Variants in SGF29 observed in about 807,000 individuals in gnomAD.
The protein encoded by SGF29 is SAGA-associated factor 29.
A neutral mutation model predicts 38.1 loss-of-function variants in SGF29; 15 were observed. That is an observed-to-expected ratio of 0.39 (90% CI 0.26 to 0.61). The LOEUF (loss-of-function observed/expected upper bound fraction) is 0.61, where lower values mean the gene tolerates loss of function less well. SGF29 is among the 20% of genes least tolerant of loss of function. The pLI is 0.49. For synonymous variants in SGF29, 151 were observed against 160.8 expected (o/e 0.94, Z 0.46); for missense variants, 184 against 394.6 (o/e 0.47, Z 4.52).
At position 28,591,587 on chromosome 16, in the gene SGF29, C is replaced by T. The variant is rs2046991765; in HGVS notation, c.766-3C>T. ...CAGCCCCTCCTGTCTGCCTGCCCCACAGCCCCAGGATGACTACTCGGTCCT... is the reference window on the plus strand; with the variant it reads ...CAGCCCCTCCTGTCTGCCTGCCCCATAGCCCCAGGATGACTACTCGGTCCT... On this transcript the variant is annotated splice_region_variant and splice_polypyrimidine_tract_variant and intron_variant, in intron 9 of 9. Transcript: ENST00000317058. 1 of 1,608,262 alleles carries T rather than the reference C, an allele frequency of 6.2e-7. No individual in the cohort carries two copies. The highest frequency in any genetic ancestry group is 1.3e-5 in the African/African-American group (1 of 74,932).
rs1213115782 is a variant in SGF29 at position 28,590,929 on chromosome 16, AC to A, written c.760del (p.Gln254SerfsTer?). The A allele has an allele frequency of 6.2e-7, 1 of 1,608,914 alleles. No homozygotes were observed. The highest frequency in any genetic ancestry group is 1.3e-5 in the African/African-American group (1 of 74,770). ...FYRALIHAPP[Q>X]RPQDDYSVLF... is the part of the protein sequence containing the mutation. Reference sequence around the variant, plus strand: ...ACCGCGCCCTGATCCATGCGCCCCCACAGCGGGTAAAGCAGCCTCCAGGGGA... The same window carrying A: ...ACCGCGCCCTGATCCATGCGCCCCCAAGCGGGTAAAGCAGCCTCCAGGGGA... On this transcript the variant is annotated frameshift_variant, in exon 9 of 10. Coordinates refer to ENST00000317058, the MANE Select transcript of SGF29 (RefSeq NM_138414.3). LOFTEE classifies it high-confidence loss of function. The surrounding 1 kb of genome is among the most constrained non-coding windows in gnomAD (Gnocchi z 8.2).
At chr16:28,569,870 T>C (rs2046854680) in intron 1 of SGF29, among the ~76,000 whole-genome samples, 1 of 152,120 alleles carries the variant, frequency 6.6e-6, no homozygotes, top group African/African-American at 2.4e-5. Context: ...TTCCTAGCAT[T>C]CTGGGGCAGT....
rs780163057 is a variant in SGF29 at position 28,581,156 on chromosome 16, C to A, written c.75+12C>A. 2 of 1,612,668 alleles carry A rather than the reference C, an allele frequency of 1.2e-6. No individual in the cohort carries two copies. The highest frequency in any genetic ancestry group is 1.7e-5 in the Admixed American group (1 of 59,928). On this transcript the variant is annotated intron_variant, in intron 2 of 9. Transcript: ENST00000317058. Reference sequence around the variant, plus strand: ...TCAAACAAACCCAGGTAAAAAGTCACCACCCTCCATTCCCAGATGGGAACA... The same window carrying A: ...TCAAACAAACCCAGGTAAAAAGTCAACACCCTCCATTCCCAGATGGGAACA...
intron 4 of SGF29, among the ~76,000 whole-genome samples, chr16:28,587,946 C>T (rs1288879786): frequency 6.6e-6 from 1 of 151,996 alleles, no homozygotes; most frequent in Admixed American, 6.6e-5. Context: ...ATTATAGACG[C>T]CCGCCACCAC....
At chr16:28,583,017 C>G (rs2046935378) in intron 2 of SGF29, among the ~76,000 whole-genome samples, 1 of 152,196 alleles carries the variant, frequency 6.6e-6, no homozygotes, top group Admixed American at 6.5e-5. Context: ...AGTTTATCAT[C>G]ATCCCATACA....
chr16:28,585,051 C>T (rs1435773287), intron 3 of SGF29, 63 bp downstream of exon 3: 1 of 1,279,330 alleles, frequency 7.8e-7, no homozygotes, highest in African/African-American at 1.5e-5. Flanking sequence ...ATGGCCAAGA[C>T]TGTGACCGAG....
At chr16:28,564,129 T>A (rs1337247460) in intron 1 of SGF29, among the ~76,000 whole-genome samples, 2 of 151,672 alleles carry the variant, frequency 1.3e-5, no homozygotes, top group Admixed American at 1.3e-4. Context: ...ACAAGTGTGG[T>A]GGGAGAGAGG....
intron 1 of SGF29, among the ~76,000 whole-genome samples, chr16:28,564,808 A>AACACAC (rs1161981851): frequency 7.5e-6 from 1 of 134,156 alleles, no homozygotes; most frequent in African/African-American, 2.8e-5. Context: ...CACACACACA[A>AACACAC]ACACACACAC....
intron 1 of SGF29, among the ~76,000 whole-genome samples, chr16:28,559,380 T>C (rs2046772100): frequency 1.5e-5 from 2 of 133,982 alleles, no homozygotes; most frequent in South Asian, 4.4e-4. Flanking sequence ...CATTAAGCTG[T>C]TTTTGTTGTT....
chr16:28,555,772 C>G (rs2046746923), intron 1 of SGF29, among the ~76,000 whole-genome samples: 2 of 152,186 alleles, frequency 1.3e-5, no homozygotes, highest in Admixed American at 1.3e-4. Flanking sequence ...ATTTCCCTAG[C>G]TTTGTTTTTC....
chr16:28,561,082 A>C (rs776451221), intron 1 of SGF29, among the ~76,000 whole-genome samples: 2 of 152,164 alleles, frequency 1.3e-5, no homozygotes, highest in Non-Finnish European at 2.9e-5. Flanking sequence ...TTTTTTAAAA[A>C]TTTAAAGCAG....
intron 1 of SGF29, among the ~76,000 whole-genome samples, chr16:28,565,200 A>G (rs975096684): frequency 1.3e-5 from 2 of 152,036 alleles, no homozygotes; most frequent in African/African-American, 4.8e-5. Flanking sequence ...GCCCACCCAT[A>G]TGGAGGATGG....
chr16:28,561,707 T>A (rs2046791292), intron 1 of SGF29, among the ~76,000 whole-genome samples: 1 of 152,172 alleles, frequency 6.6e-6, no homozygotes, highest in Non-Finnish European at 1.5e-5. Flanking sequence ...GCTGAGCCTC[T>A]CAGGGTTTGG....
At chr16:28,555,191 C>T (rs185457554) in intron 1 of SGF29, among the ~76,000 whole-genome samples, 60 of 152,018 alleles carry the variant, frequency 3.9e-4, no homozygotes, top group Non-Finnish European at 6.9e-4. Context: ...TGGCCAGGCG[C>T]GGTGGCTCAT....
chr16:28,581,946 A>G (rs1200330994), intron 2 of SGF29, among the ~76,000 whole-genome samples: 1 of 150,456 alleles, frequency 6.6e-6, no homozygotes, highest in Non-Finnish European at 1.5e-5. Flanking sequence ...TTTTTCCCCT[A>G]TTTGATATCT....
At chr16:28,555,301 T>TA (rs142397858) in intron 1 of SGF29, among the ~76,000 whole-genome samples, 6,764 of 136,830 alleles carry the variant, frequency 0.049, 242 homozygotes, top group East Asian at 0.21. Flanking sequence ...CAGTCTCTTC[T>TA]AAAAAAAAAA....
intron 1 of SGF29, among the ~76,000 whole-genome samples, chr16:28,579,656 C>T (rs928645128): frequency 6.7e-5 from 10 of 149,800 alleles, no homozygotes; most frequent in Non-Finnish European, 7.4e-5. Flanking sequence ...GCTGGCTGGG[C>T]GTGGTGGCTC....
In SGF29 at chr16:28,564,685, G is replaced by GTATATA. The variant is rs1434333961; in HGVS notation, c.-16+10589_-16+10590insATATAT. Among the ~76,000 whole-genome samples, 19 of 71,190 alleles carry GTATATA rather than the reference G, an allele frequency of 2.7e-4. 1 individual carries two copies. The highest frequency in any genetic ancestry group is 4.3e-4 in the Non-Finnish European group (16 of 37,098). 46.7% of individuals were successfully genotyped at this position (71,190 alleles called of 152,430 possible). ...TATATGCATATATATGTATATATATGTGTATATATATGTATATATATACAT... is the reference window on the plus strand; with the variant it reads ...TATATGCATATATATGTATATATATGTATATATGTATATATATGTATATATATACAT... On this transcript the variant is annotated intron_variant, in intron 1 of 9. Coordinates refer to ENST00000317058, the MANE Select transcript of SGF29 (RefSeq NM_138414.3).
intron 1 of SGF29, among the ~76,000 whole-genome samples, chr16:28,558,494 A>G (rs765920822): frequency 3.9e-5 from 6 of 152,136 alleles, no homozygotes; most frequent in Non-Finnish European, 5.9e-5. Context: ...CCTGGGCTCA[A>G]GCAATCCTCT....
Sources: allele counts gnomAD v4.1 joint callset (sites outside exome capture counted in the v4.1 genomes callset), GRCh38; gene constraint gnomAD v4.1.1; non-coding constraint Gnocchi (gnomAD v3.1); transcripts MANE v1.5; gene names NCBI Gene and HGNC (gene_info 2026-07-23, HGNC 2026-07-21).